The following LRRC20 variants were observed in gnomAD, a reference collection of about 807,000 sequenced individuals.
LRRC20 encodes leucine rich repeat containing 20, also known as leucine-rich repeat-containing protein 20.
A neutral mutation model predicts 14.4 loss-of-function variants in LRRC20; 11 were observed. The ratio of observed to expected loss-of-function variants is 0.77; its 90% CI spans 0.48 to 1.27. The LOEUF (loss-of-function observed/expected upper bound fraction) is 1.27. Ranked by LOEUF, LRRC20 falls within the 50% of genes most tolerant of loss-of-function variation. The pLI is 0.00. For synonymous variants in LRRC20, 121 were observed against 107.3 expected, an observed-to-expected ratio of 1.13 and a Z score of -0.79; for missense variants, 219 against 251.2, an observed-to-expected ratio of 0.87 and a Z score of 0.87.
intron 4 of LRRC20, among the ~76,000 whole-genome samples, chr10:70,316,415 G>A (rs900383051): frequency 6.6e-6 from 1 of 152,240 alleles, no homozygotes; most frequent in Non-Finnish European, 1.5e-5. Flanking sequence ...TTACAGGCGT[G>A]AGCCACCGCG....
intron 4 of LRRC20, among the ~76,000 whole-genome samples, chr10:70,312,759 C>G (rs10823519): frequency 6.6e-6 from 1 of 152,020 alleles, no homozygotes; most frequent in African/African-American, 2.4e-5. Context: ...TCTTTAAGAC[C>G]GTCCTTCCAC....
intron 2 of LRRC20, among the ~76,000 whole-genome samples, chr10:70,365,529 C>A (rs534472429): frequency 6.6e-6 from 1 of 152,032 alleles, no homozygotes; most frequent in Non-Finnish European, 1.5e-5. Context: ...TAAATTTCAT[C>A]AAAATTAAAA....
chr10:70,319,173 G>GAAA (rs11439728), intron 4 of LRRC20, among the ~76,000 whole-genome samples: 1 of 125,306 alleles, frequency 8.0e-6, no homozygotes, highest in South Asian at 2.5e-4. Context: ...GGTGTATAGG[G>GAAA]AAAAAAAAAA....
intron 2 of LRRC20, among the ~76,000 whole-genome samples, chr10:70,341,754 C>T (rs1842922148): frequency 6.6e-6 from 1 of 151,872 alleles, no homozygotes; most frequent in Non-Finnish European, 1.5e-5. Context: ...GGCAACAGAA[C>T]AAGACTCCGT....
intron 4 of LRRC20, among the ~76,000 whole-genome samples, chr10:70,323,050 G>A (rs1842152790): frequency 1.3e-5 from 2 of 152,222 alleles, no homozygotes; most frequent in Middle Eastern, 3.4e-3. Flanking sequence ...ATGACTGAAG[G>A]GGGTTATTAT....
intron 2 of LRRC20, among the ~76,000 whole-genome samples, chr10:70,351,593 T>G (rs77116003): frequency 6.6e-6 from 1 of 152,246 alleles, no homozygotes; most frequent in Non-Finnish European, 1.5e-5. Context: ...CATTTTCTTT[T>G]TAATTATTGT....
intron 3 of LRRC20, among the ~76,000 whole-genome samples, chr10:70,325,559 C>G (rs1370648077): frequency 1.3e-5 from 2 of 152,242 alleles, no homozygotes; most frequent in Non-Finnish European, 2.9e-5. Context: ...GAGCTAGGCA[C>G]TGAGCAGGTC....
chr10:70,329,235 G>T (rs573634128), intron 3 of LRRC20, among the ~76,000 whole-genome samples: 2 of 152,196 alleles, frequency 1.3e-5, no homozygotes, highest in Non-Finnish European at 2.9e-5. Flanking sequence ...AACAAGAAAA[G>T]AAGGTTATTT....
chr10:70,328,090 G>T (rs1842393347), intron 3 of LRRC20, among the ~76,000 whole-genome samples: 1 of 152,138 alleles, frequency 6.6e-6, no homozygotes, highest in Non-Finnish European at 1.5e-5. Context: ...CCTCTCTCCA[G>T]GTGGCCTCAT....
At chr10:70,335,212 C>T (rs1842685310) in intron 3 of LRRC20, among the ~76,000 whole-genome samples, 1 of 152,194 alleles carries the variant, frequency 6.6e-6, no homozygotes, top group Admixed American at 6.5e-5. Flanking sequence ...AGAAAATGAG[C>T]CACGAGCCCC....
chr10:70,382,238 T>C (rs1028999016), intron 1 of LRRC20, among the ~76,000 whole-genome samples: 1 of 152,168 alleles, frequency 6.6e-6, no homozygotes, highest in Non-Finnish European at 1.5e-5. Flanking sequence ...GAGGCCCGCC[T>C]GGGAGCGGTT....
rs544645534 is a variant in LRRC20 at position 70,305,897 on chromosome 10, C to T, written c.401-4389G>A. ...CTGGGACTACAGGTGCCCGCCACCA[C>T]GCCCGGCTAATTTTTTATATTTTTA... On this transcript the variant is annotated intron_variant, in intron 4 of 4. Transcript: ENST00000446961. Among the ~76,000 whole-genome samples, 336 of 152,054 alleles carry T rather than the reference C, an allele frequency of 2.2e-3. 3 individuals are homozygous for T. Among genetic ancestry groups the T allele is most frequent in the African/African-American group, 7.6e-3 (317 of 41,474 alleles).
At chr10:70,313,242 G>A (rs927993171) in intron 4 of LRRC20, among the ~76,000 whole-genome samples, 11 of 152,126 alleles carry the variant, frequency 7.2e-5, no homozygotes, top group East Asian at 3.9e-4. Context: ...TCTGCACTCC[G>A]GCCACTGGAA....
chr10:70,348,178 C>T (rs537293383), intron 2 of LRRC20, among the ~76,000 whole-genome samples: 8 of 152,256 alleles, frequency 5.3e-5, no homozygotes, highest in African/African-American at 1.7e-4. Flanking sequence ...TGGCTGCCAC[C>T]AACGTCAAAG....
In LRRC20 at chr10:70,301,100, T is replaced by C; in HGVS notation, c.*254A>G. 8 of 1,301,956 alleles carry C rather than the reference T, an allele frequency of 6.1e-6. No homozygotes were observed. Among genetic ancestry groups the C allele is most frequent in the Non-Finnish European group, 7.8e-6 (8 of 1,026,718 alleles). 80.7% of individuals were successfully genotyped at this position (1,301,956 alleles called of 1,614,324 possible). A position where few individuals can be genotyped will look rare whatever the true frequency, so the allele number is the denominator to read the frequency against. On this transcript the variant is annotated 3_prime_UTR_variant, in exon 5 of 5. Coordinates refer to ENST00000446961, the MANE Select transcript of LRRC20 (RefSeq NM_001278212.2). ...GACAAGGCTCAGAGAGGGCAGGAGA[T>C]CTGCCTGAGTTTGCACAGCAGCTGT...
intron 3 of LRRC20, among the ~76,000 whole-genome samples, chr10:70,334,821 C>T (rs990461139): frequency 1.3e-5 from 2 of 152,218 alleles, no homozygotes; most frequent in Non-Finnish European, 2.9e-5. Flanking sequence ...GGCACCAAGG[C>T]GGTTGCCAGA....
intron 2 of LRRC20, among the ~76,000 whole-genome samples, chr10:70,360,672 G>A (rs184053989): frequency 3.2e-4 from 48 of 152,072 alleles, no homozygotes; most frequent in African/African-American, 1.1e-3. Context: ...TGAACTCCGG[G>A]GTTCAAGTGA....
At chr10:70,343,907 G>T (rs571473077) in intron 2 of LRRC20, among the ~76,000 whole-genome samples, 1 of 152,154 alleles carries the variant, frequency 6.6e-6, no homozygotes, top group Admixed American at 6.5e-5. Flanking sequence ...CATCATGAAA[G>T]TTCTTGCCAG....
intron 2 of LRRC20, among the ~76,000 whole-genome samples, chr10:70,375,118 G>A (rs117080911): frequency 1.3e-3 from 198 of 152,194 alleles, no homozygotes; most frequent in African/African-American, 4.0e-3. Flanking sequence ...ACAGGATTCC[G>A]GAATTCCTTC....
Sources: allele counts gnomAD v4.1 joint callset (sites outside exome capture counted in the v4.1 genomes callset), GRCh38; gene constraint gnomAD v4.1.1; transcripts MANE v1.5; gene names NCBI Gene and HGNC (gene_info 2026-07-23, HGNC 2026-07-21).